The following RAPGEF6 variants were observed in gnomAD, a reference collection of about 807,000 sequenced individuals.
The protein encoded by RAPGEF6 is Rap guanine nucleotide exchange factor 6.
A neutral mutation model predicts 171.4 loss-of-function variants in RAPGEF6; 56 were observed. The ratio of observed to expected loss-of-function variants is 0.33; its 90% CI spans 0.26 to 0.41. The LOEUF is 0.41. RAPGEF6 is among the 10% of genes least tolerant of loss of function. The pLI is 1.00. For synonymous variants in RAPGEF6, 692 were observed against 650.1 expected (o/e 1.06, Z -0.98); for missense variants, 1,674 against 1,921.4 (o/e 0.87, Z 2.41).
intron 17 of RAPGEF6, among the ~76,000 whole-genome samples, chr5:131,468,586 A>C (rs969431340): frequency 3.8e-5 from 5 of 131,292 alleles, no homozygotes; most frequent in African/African-American, 1.3e-4. Flanking sequence ...TGATCTTTAA[A>C]AAAAAAGACT....
chr5:131,556,156 T>A (rs1761223252), intron 5 of RAPGEF6, among the ~76,000 whole-genome samples: 1 of 152,264 alleles, frequency 6.6e-6, no homozygotes, highest in Admixed American at 6.5e-5. Flanking sequence ...AGACCACTAG[T>A]AGGCTGGGCT....
intron 3 of RAPGEF6, among the ~76,000 whole-genome samples, chr5:131,600,542 A>ACT (rs1308501990): frequency 2.6e-4 from 34 of 132,386 alleles, no homozygotes; most frequent in Admixed American, 2.4e-3. Context: ...GGAAGGAAGG[A>ACT]AGGAAGGAAG....
intron 5 of RAPGEF6, among the ~76,000 whole-genome samples, chr5:131,556,770 T>C (rs913837425): frequency 1.3e-5 from 2 of 152,166 alleles, no homozygotes; most frequent in African/African-American, 2.4e-5. Flanking sequence ...ATAAACACTA[T>C]ACTTGATGGC....
In RAPGEF6 at chr5:131,465,296, T is replaced by A. The variant is rs77732330; in HGVS notation, c.2240-1015A>T. ...TGTTTATATGATAAGCACATGTAAA[T>A]AATAATATTCCACCCCCCCTTGTTC... On this transcript the variant is annotated intron_variant, in intron 17 of 27. Transcript: ENST00000509018. Among the ~76,000 whole-genome samples, 87 of 152,218 alleles carry A rather than the reference T, an allele frequency of 5.7e-4. No homozygotes were observed. The East Asian group carries it at 8.9e-3, about 16-fold the overall frequency.
At chr5:131,595,971 G>A (rs1201747686) in intron 3 of RAPGEF6, among the ~76,000 whole-genome samples, 1 of 152,032 alleles carries the variant, frequency 6.6e-6, no homozygotes, top group African/African-American at 2.4e-5. Context: ...TGGCCAACAT[G>A]GCGAAACCCT....
intron 1 of RAPGEF6, among the ~76,000 whole-genome samples, chr5:131,618,285 G>T (rs1487305560): frequency 6.6e-6 from 1 of 152,138 alleles, no homozygotes; most frequent in Non-Finnish European, 1.5e-5. Flanking sequence ...AGGAAGGTGA[G>T]GAAAGCTCTT....
At chr5:131,598,576 G>T (rs1279087975) in intron 3 of RAPGEF6, among the ~76,000 whole-genome samples, 1 of 152,116 alleles carries the variant, frequency 6.6e-6, no homozygotes, top group Non-Finnish European at 1.5e-5. Context: ...CATATTAACT[G>T]CAAAGGAGTA....
intron 4 of RAPGEF6, among the ~76,000 whole-genome samples, chr5:131,564,192 A>T (rs1172695836): frequency 6.6e-6 from 1 of 152,198 alleles, no homozygotes; most frequent in Non-Finnish European, 1.5e-5. Context: ...TAGAATTTGC[A>T]AGGCAGTGTT....
chr5:131,550,592 A>T (rs1760859114), intron 5 of RAPGEF6, among the ~76,000 whole-genome samples: 1 of 152,216 alleles, frequency 6.6e-6, no homozygotes, highest in Non-Finnish European at 1.5e-5. Context: ...TAATCTGCCA[A>T]GTAACTTATT....
intron 6 of RAPGEF6, among the ~76,000 whole-genome samples, chr5:131,531,588 T>A (rs914358475): frequency 6.6e-6 from 1 of 152,228 alleles, no homozygotes; most frequent in Non-Finnish European, 1.5e-5. Flanking sequence ...AATATTTTCA[T>A]ATAATTGATT....
At position 131,430,545 on chromosome 5, in the gene RAPGEF6, T is replaced by C. The variant is rs183336739; in HGVS notation, c.4465+314A>G. 2.6e-5 allele frequency among the ~76,000 whole-genome samples: 4 copies of C among 152,330 alleles called. No homozygotes were observed. In the East Asian group the frequency reaches 7.7e-4, roughly 29 times the overall value. The stretch of plus-strand genomic sequence containing the variant: ...GAGGTGATAAAGAGAATAATCCCTT[T>C]ACTACTATTGCACACTAATGCGATG... On this transcript the variant is annotated intron_variant, in intron 26 of 27. Transcript: ENST00000509018.
At chr5:131,444,954 C>T (rs1327164556) in intron 22 of RAPGEF6, among the ~76,000 whole-genome samples, 2 of 152,204 alleles carry the variant, frequency 1.3e-5, no homozygotes, top group African/African-American at 2.4e-5. Flanking sequence ...TACCATTTAA[C>T]ATGTGGCAGC....
chr5:131,635,042 G>C lies in RAPGEF6; in HGVS notation c.-12C>G, dbSNP rs377328902. ...ACGGGTGAGTTCATGGCCACGGCCC[G>C]GGTACTCCGCAGCCTGCCCTTAGCA... On this transcript the variant is annotated 5_prime_UTR_variant, in exon 1 of 28. Coordinates refer to ENST00000509018, the MANE Select transcript of RAPGEF6 (RefSeq NM_016340.6). The C allele has an allele frequency of 1.3e-6, 2 of 1,599,804 alleles. No individual in the cohort carries two copies. The highest frequency in any genetic ancestry group is 1.7e-5 in the Admixed American group (1 of 59,468).
rs1753456720 is a variant in RAPGEF6, at chr5:131,455,847, A to T, written c.3030T>A (p.Ile1010=). The T allele has an allele frequency of 6.2e-7, 1 of 1,613,728 alleles. No homozygotes were observed. Among genetic ancestry groups the T allele is most frequent in the South Asian group, 1.1e-5 (1 of 91,082 alleles). Residue 1010 remains isoleucine, a synonymous_variant, in exon 20 of 28, where the codon ATT becomes ATA. Coordinates refer to ENST00000509018, the MANE Select transcript of RAPGEF6 (RefSeq NM_016340.6). The stretch of plus-strand genomic sequence containing the variant: ...CTTTCTTGACAACAGGGAAGAGTGG[A>T]ATAATTGGAGGCTGCATACTTTGAC... The part of the protein sequence containing the change: ...LSSQSMQPPI[I]PLFPVVKKDM...
intron 8 of RAPGEF6, among the ~76,000 whole-genome samples, chr5:131,509,870 T>G (rs944458632): frequency 1.8e-4 from 27 of 152,326 alleles, no homozygotes; most frequent in African/African-American, 6.3e-4. Context: ...GCAGAAGTGA[T>G]GATGCATTAC....
At chr5:131,614,993 AT>A (rs1332016926) in intron 1 of RAPGEF6, among the ~76,000 whole-genome samples, 2 of 152,224 alleles carry the variant, frequency 1.3e-5, no homozygotes, top group Non-Finnish European at 2.9e-5. Context: ...CTTTGTAGAA[AT>A]GTAAATTATC....
At chr5:131,621,787 A>C (rs1037541271) in intron 1 of RAPGEF6, among the ~76,000 whole-genome samples, 2 of 151,906 alleles carry the variant, frequency 1.3e-5, no homozygotes, top group African/African-American at 4.8e-5. Context: ...CAAATGCAAA[A>C]CTCACAGATA....
At chr5:131,586,502 G>A (rs372247010) in intron 4 of RAPGEF6, among the ~76,000 whole-genome samples, 15 of 152,220 alleles carry the variant, frequency 9.9e-5, no homozygotes, top group African/African-American at 2.4e-4. Flanking sequence ...GTGGTGTCAC[G>A]CACCTGTGGT....
chr5:131,477,847 CCT>C lies in RAPGEF6; in HGVS notation c.2081+1664_2081+1665del, dbSNP rs374611833. On this transcript the variant is annotated intron_variant, in intron 16 of 27. Coordinates refer to ENST00000509018, the MANE Select transcript of RAPGEF6 (RefSeq NM_016340.6). ...GGAAGTGGAACTCAGGGCATTACCC[CCT>C]GAGGAATTCTCCTCATGCATTCTTT... 3.9e-5 allele frequency among the ~76,000 whole-genome samples: 6 copies of C among 152,212 alleles called. No individual in the cohort carries two copies. In the East Asian group the frequency reaches 9.7e-4, roughly 25 times the overall value.
Sources: gnomAD v4.1 joint callset for allele counts (sites outside exome capture counted in the v4.1 genomes callset) on GRCh38, gnomAD v4.1.1 for gene constraint, MANE v1.5 for transcripts, NCBI Gene and HGNC (gene_info 2026-07-23, HGNC 2026-07-21) for gene names.